STC1: variants seen among roughly 807,000 people sequenced by gnomAD.
The protein encoded by STC1 is stanniocalcin-1.
In STC1, 7 loss-of-function variants were observed where a neutral mutation model predicts 22.6. That is an observed-to-expected ratio of 0.31 (90% CI 0.18 to 0.58). The LOEUF (loss-of-function observed/expected upper bound fraction) is 0.58, where lower values mean the gene tolerates loss of function less well. Among genes scored for constraint, STC1 ranks in the 20% least tolerant of loss-of-function variants. STC1 has a pLI of 0.89. For missense variants in STC1, 224 were observed against 311.0 expected (o/e 0.72, Z 2.10); for synonymous variants, 113 against 120.7 (o/e 0.94, Z 0.42).
chr8:23,846,329 G>A (rs561347211), intron 3 of STC1, among the ~76,000 whole-genome samples: 2 of 152,204 alleles, frequency 1.3e-5, no homozygotes, highest in South Asian at 4.2e-4. Context: ...ATTTAGACTG[G>A]GATGCATTTG....
intron 3 of STC1, among the ~76,000 whole-genome samples, chr8:23,847,341 T>G (rs1319325673): frequency 2.0e-5 from 3 of 152,192 alleles, no homozygotes; most frequent in Non-Finnish European, 2.9e-5. Flanking sequence ...CCTTTACTGT[T>G]GCTTTGTCTG....
chr8:23,844,526 A>C lies in STC1; in HGVS notation c.*244T>G. 1.9e-6 allele frequency: 1 copy of C among 533,552 alleles called. No homozygotes were observed. Among genetic ancestry groups the C allele is most frequent in the East Asian group, 3.2e-5 (1 of 31,466 alleles). The allele number at this position is 533,552 out of a possible 1,614,324, so 33.1% of individuals were successfully genotyped here. On this transcript the variant is annotated 3_prime_UTR_variant, in exon 4 of 4. Coordinates refer to ENST00000290271, the MANE Select transcript of STC1 (RefSeq NM_003155.3). The stretch of plus-strand genomic sequence containing the variant: ...AAACATGGCAGAGGAAGTTGGTAAA[A>C]GAGGGTACTTTCTCCTGAGGAGAGG...
In STC1 at chr8:23,854,643, A is replaced by G; in HGVS notation, c.-120T>C. 1.1e-6 allele frequency: 1 copy of G among 919,260 alleles called. No homozygotes were observed. Among genetic ancestry groups the G allele is most frequent in the Non-Finnish European group, 1.8e-6 (1 of 557,968 alleles). 56.9% of individuals were successfully genotyped at this position (919,260 alleles called of 1,614,324 possible). On this transcript the variant is annotated 5_prime_UTR_variant, in exon 1 of 4. Transcript: ENST00000290271. ...GGATACACTGAAAGCTTAGGTGAGG[A>G]TTTGATGAGGATTTTTTTTTGTTGT...
At position 23,851,541 on chromosome 8, in the gene STC1, A is replaced by T. The variant is rs1230523921; in HGVS notation, c.262-10T>A. On this transcript the variant is annotated splice_polypyrimidine_tract_variant and intron_variant, in intron 2 of 3. Coordinates refer to ENST00000290271, the MANE Select transcript of STC1 (RefSeq NM_003155.3). Reference sequence around the variant, plus strand: ...TGACGAATGCTTTTCCCTGCCATGGAGGAAGGACAAGAGGGAGGTCTTTAG... The same window carrying T: ...TGACGAATGCTTTTCCCTGCCATGGTGGAAGGACAAGAGGGAGGTCTTTAG... The T allele has an allele frequency of 1.2e-6, 2 of 1,613,776 alleles. No homozygotes were observed. Among genetic ancestry groups the T allele is most frequent in the Admixed American group, 3.3e-5 (2 of 59,996 alleles).
intron 3 of STC1, among the ~76,000 whole-genome samples, chr8:23,845,485 G>A (rs1273003966): frequency 6.6e-6 from 1 of 152,094 alleles, no homozygotes; most frequent in Admixed American, 6.5e-5. Context: ...AGTAGCCATT[G>A]TACATGCATG....
chr8:23,851,208 G>C, intron 3 of STC1, 112 bp downstream of exon 3: 1 of 1,037,486 alleles, frequency 9.6e-7, no homozygotes, highest in Non-Finnish European at 1.5e-6. Flanking sequence ...AAGACTGCAA[G>C]CTAAAATAAG....
rs562668805 is a variant in STC1 at position 23,852,868 on chromosome 8, G to A, written c.119-484C>T. Among the ~76,000 whole-genome samples the A allele has an allele frequency of 2.0e-5, 3 of 152,280 alleles. No homozygotes were observed. In the East Asian group the frequency reaches 5.8e-4, roughly 29 times the overall value. On this transcript the variant is annotated intron_variant, in intron 1 of 3. Transcript: ENST00000290271. Reference sequence around the variant, plus strand: ...GCATGGGATTTTAGTCTAAATGGCAGAGAAGACTGTGCCAGGAGTCCACTT... The same window carrying A: ...GCATGGGATTTTAGTCTAAATGGCAAAGAAGACTGTGCCAGGAGTCCACTT...
intron 3 of STC1, among the ~76,000 whole-genome samples, chr8:23,846,276 T>C (rs1255091639): frequency 6.6e-6 from 1 of 152,212 alleles, no homozygotes; most frequent in East Asian, 1.9e-4. Flanking sequence ...GGCATATCAA[T>C]GACTTGTCCT....
chr8:23,851,568 T>A, intron 2 of STC1, 37 bp from the exon 3 acceptor site: 1 of 1,602,646 alleles, frequency 6.2e-7, no homozygotes, highest in Non-Finnish European at 8.5e-7. Flanking sequence ...GGTCTTTAGC[T>A]TGACCTGACA....
rs1802549795 is a variant in STC1, at chr8:23,844,690, G to A, written c.*80C>T. 6.5e-7 allele frequency: 1 copy of A among 1,526,758 alleles called. No individual in the cohort carries two copies. The highest frequency in any genetic ancestry group is 8.9e-7 in the Non-Finnish European group (1 of 1,122,164). The allele number at this position is 1,526,758 out of a possible 1,614,324, so 94.6% of individuals were successfully genotyped here. On this transcript the variant is annotated 3_prime_UTR_variant, in exon 4 of 4. Transcript: ENST00000290271. ...AACTACTTTAAAAAAATCAAACCAGGCACAGTACACTCAAAACTGGTGTGT... is the reference window on the plus strand; with the variant it reads ...AACTACTTTAAAAAAATCAAACCAGACACAGTACACTCAAAACTGGTGTGT...
chr8:23,843,279 A>C lies in STC1; in HGVS notation c.*1491T>G, dbSNP rs1001336846. The C allele has an allele frequency of 1.3e-5, 2 of 151,538 alleles. No homozygotes were observed. The highest frequency in any genetic ancestry group is 2.9e-5 in the Non-Finnish European group (2 of 67,832). 9.4% of individuals were successfully genotyped at this position (151,538 alleles called of 1,614,324 possible). On this transcript the variant is annotated 3_prime_UTR_variant, in exon 4 of 4. Coordinates refer to ENST00000290271, the MANE Select transcript of STC1 (RefSeq NM_003155.3). ...TCATGGCAGAAATGATCAAACCACC[A>C]GCTCTTTTTCCCTCTTTCTTTCTTT...
chr8:23,848,043 C>T (rs68107520), intron 3 of STC1, among the ~76,000 whole-genome samples: 28,263 of 152,218 alleles, frequency 0.19, 2,832 homozygotes, highest in African/African-American at 0.25. Context: ...CAGCAGGTCA[C>T]TCCACTCTCT....
intron 3 of STC1, among the ~76,000 whole-genome samples, chr8:23,848,004 A>G (rs1182066912): frequency 6.6e-6 from 1 of 152,198 alleles, no homozygotes; most frequent in African/African-American, 2.4e-5. Flanking sequence ...TCTAAGCCCA[A>G]CTTAGTTATT....
At position 23,842,784 on chromosome 8, in the gene STC1, C is replaced by A. The variant is rs545192698; in HGVS notation, c.*1986G>T. On this transcript the variant is annotated 3_prime_UTR_variant, in exon 4 of 4. Transcript: ENST00000290271. ...TTGGGGACCTGGGGATGGGACAGTTCTGAGTATAAAAATGCCCTTAACAAT... is the reference window on the plus strand; with the variant it reads ...TTGGGGACCTGGGGATGGGACAGTTATGAGTATAAAAATGCCCTTAACAAT... 6.5e-6 allele frequency: 1 copy of A among 152,742 alleles called. No homozygotes were observed. The allele number at this position is 152,742 out of a possible 1,614,324, so 9.5% of individuals were successfully genotyped here.
chr8:23,842,346 G>A lies in STC1; in HGVS notation c.*2424C>T, dbSNP rs1585303645. 1 of 152,180 alleles carries A rather than the reference G, an allele frequency of 6.6e-6. No individual in the cohort carries two copies. The highest frequency in any genetic ancestry group is 1.5e-5 in the Non-Finnish European group (1 of 67,960). The allele number at this position is 152,180 out of a possible 1,614,324, so 9.4% of individuals were successfully genotyped here. On this transcript the variant is annotated 3_prime_UTR_variant, in exon 4 of 4. Transcript: ENST00000290271. ...GGGGGAATTGGAGGGAGTAGGGTGG[G>A]GGAAAGAGAAGCAAAAAACTAGCAA... is the stretch of plus-strand genomic sequence containing the variant.
chr8:23,846,407 G>T (rs1802573903), intron 3 of STC1, among the ~76,000 whole-genome samples: 1 of 152,196 alleles, frequency 6.6e-6, no homozygotes, highest in South Asian at 2.1e-4. Context: ...AAGAGACTCA[G>T]TGACAGTGAC....
intron 3 of STC1, among the ~76,000 whole-genome samples, chr8:23,849,409 A>ATT (rs532208739): frequency 6.6e-6 from 1 of 150,566 alleles, no homozygotes; most frequent in African/African-American, 2.4e-5. Context: ...GGCTGGCCAC[A>ATT]TTTTTTTTTT....
At chr8:23,845,215 G>A (rs1390275031) in intron 3 of STC1, among the ~76,000 whole-genome samples, 175 bp from the exon 4 acceptor site, 1 of 152,134 alleles carries the variant, frequency 6.6e-6, no homozygotes, top group Non-Finnish European at 1.5e-5. Flanking sequence ...TGTCACCCTA[G>A]TTTCAATGCA....
intron 3 of STC1, among the ~76,000 whole-genome samples, chr8:23,847,532 C>T (rs376501551): frequency 1.3e-5 from 2 of 152,202 alleles, no homozygotes; most frequent in African/African-American, 4.8e-5. Context: ...AAGTCCATGT[C>T]TCCATTAGTA....
Sources: allele counts gnomAD v4.1 joint callset (sites outside exome capture counted in the v4.1 genomes callset), GRCh38; gene constraint gnomAD v4.1.1; transcripts MANE v1.5; gene names NCBI Gene and HGNC (gene_info 2026-07-23, HGNC 2026-07-21).